The following NSRP1 variants were observed in gnomAD, a reference collection of about 807,000 sequenced individuals.
The protein encoded by NSRP1 is nuclear speckle splicing regulatory protein 1.
A neutral mutation model predicts 54.7 loss-of-function variants in NSRP1; 24 were observed. That is an observed-to-expected ratio of 0.44 (90% CI 0.32 to 0.62). NSRP1 has a LOEUF of 0.62. Among genes scored for constraint, NSRP1 ranks in the 20% least tolerant of loss-of-function variants. The pLI is 0.06. For synonymous variants in NSRP1, 210 were observed against 213.8 expected (o/e 0.98, Z 0.15); for missense variants, 596 against 651.2 (o/e 0.92, Z 0.92).
intron 2 of NSRP1, among the ~76,000 whole-genome samples, chr17:30,136,623 T>A (rs906887737): frequency 4.6e-5 from 7 of 152,222 alleles, no homozygotes; most frequent in Non-Finnish European, 1.0e-4. Flanking sequence ...AGCATTTTTT[T>A]AATAAGTCAT....
intron 2 of NSRP1, among the ~76,000 whole-genome samples, chr17:30,157,362 G>A (rs1275939027): frequency 6.6e-6 from 1 of 152,116 alleles, no homozygotes; most frequent in Non-Finnish European, 1.5e-5. Flanking sequence ...GTACATGTGA[G>A]TGTTTGTTAC....
intron 1 of NSRP1, chr17:30,117,100 G>A (rs766187585): frequency 5.3e-6 from 4 of 758,564 alleles, no homozygotes; most frequent in Non-Finnish European, 9.8e-6. Flanking sequence ...TAGGCTGAGG[G>A]GCAGAGAGCG....
At chr17:30,165,771 C>A (rs1375312550) in intron 2 of NSRP1, among the ~76,000 whole-genome samples, 1 of 152,168 alleles carries the variant, frequency 6.6e-6, no homozygotes, top group Non-Finnish European at 1.5e-5. Flanking sequence ...CCTCCATTTT[C>A]CTGTTTATGG....
At chr17:30,134,142 G>A (rs2071727445) in intron 2 of NSRP1, among the ~76,000 whole-genome samples, 1 of 152,202 alleles carries the variant, frequency 6.6e-6, no homozygotes, top group Non-Finnish European at 1.5e-5. Context: ...AGGAGAGGGA[G>A]AGAGGAGAGA....
At chr17:30,152,518 A>AT (rs1190832146) in intron 2 of NSRP1, among the ~76,000 whole-genome samples, 4 of 137,954 alleles carry the variant, frequency 2.9e-5, no homozygotes, top group Admixed American at 7.5e-5. Context: ...ATTTACTTGT[A>AT]TTTTTTCTTC....
chr17:30,125,305 T>C (rs2071640093), intron 2 of NSRP1, among the ~76,000 whole-genome samples: 1 of 152,252 alleles, frequency 6.6e-6, no homozygotes, highest in Admixed American at 6.5e-5. Context: ...GTGGAAAATA[T>C]AGAAGAAAGA....
intron 2 of NSRP1, among the ~76,000 whole-genome samples, chr17:30,152,423 A>ATT (rs200742872): frequency 0.39 from 51,430 of 131,856 alleles, 11,590 homozygotes; most frequent in East Asian, 0.8. Flanking sequence ...CAGCCTAAGA[A>ATT]TTTTTTTTTT....
At chr17:30,177,326 C>G (rs1255385569) in intron 3 of NSRP1, among the ~76,000 whole-genome samples, 6 of 151,448 alleles carry the variant, frequency 4.0e-5, no homozygotes, top group Admixed American at 6.6e-5. Context: ...GAGCCAAGAT[C>G]ACACCACTGG....
chr17:30,168,496 A>G (rs1032039337), intron 2 of NSRP1, among the ~76,000 whole-genome samples: 1 of 151,296 alleles, frequency 6.6e-6, no homozygotes, highest in East Asian at 1.9e-4. Context: ...TTTGTTCTCA[A>G]TCTTAAAATT....
chr17:30,158,242 C>G (rs1413928965), intron 2 of NSRP1, among the ~76,000 whole-genome samples: 3 of 150,050 alleles, frequency 2.0e-5, no homozygotes, highest in East Asian at 3.9e-4. Context: ...TTTCATATAC[C>G]TGTTGGCCAT....
At chr17:30,132,727 TC>T (rs2071712796) in intron 2 of NSRP1, among the ~76,000 whole-genome samples, 1 of 152,214 alleles carries the variant, frequency 6.6e-6, no homozygotes, top group Non-Finnish European at 1.5e-5. Flanking sequence ...TGTAGCCACT[TC>T]ATCTACTGAA....
intron 2 of NSRP1, chr17:30,150,196 T>G (rs2071893213): frequency 6.6e-6 from 1 of 151,810 alleles, no homozygotes; most frequent in African/African-American, 2.4e-5. Context: ...TTCTCCTGTC[T>G]CAGCCTCCTG....
At chr17:30,152,588 A>G (rs2143004275) in intron 2 of NSRP1, among the ~76,000 whole-genome samples, 1 of 151,970 alleles carries the variant, frequency 6.6e-6, no homozygotes, top group South Asian at 2.1e-4. Context: ...TATTTTTTGC[A>G]AAGGGGGTAA....
chr17:30,174,374 C>G (rs771893289), intron 3 of NSRP1, among the ~76,000 whole-genome samples: 1 of 152,202 alleles, frequency 6.6e-6, no homozygotes, highest in Non-Finnish European at 1.5e-5. Flanking sequence ...ATTGATTCAG[C>G]TCATCGAATG....
At chr17:30,128,473 G>A (rs921983300) in intron 2 of NSRP1, among the ~76,000 whole-genome samples, 20 of 151,990 alleles carry the variant, frequency 1.3e-4, no homozygotes, top group Admixed American at 1.2e-3. Context: ...AATTGCACTC[G>A]AATTTTTGTT....
chr17:30,141,617 C>G (rs530036028), intron 2 of NSRP1, among the ~76,000 whole-genome samples: 77 of 152,134 alleles, frequency 5.1e-4, no homozygotes, highest in Non-Finnish European at 9.9e-4. Context: ...TACTATATAC[C>G]TTTACATACA....
chr17:30,158,862 G>C (rs183731754), intron 2 of NSRP1, among the ~76,000 whole-genome samples: 64 of 152,154 alleles, frequency 4.2e-4, no homozygotes, highest in African/African-American at 1.5e-3. Flanking sequence ...GTTTGGTTAT[G>C]ATAGCCTTGT....
At position 30,170,390 on chromosome 17, in the gene NSRP1, C is replaced by T. The variant is rs117341577; in HGVS notation, c.115-2152C>T. On this transcript the variant is annotated intron_variant, in intron 2 of 6. Coordinates refer to ENST00000247026, the MANE Select transcript of NSRP1 (RefSeq NM_032141.4). ...ATAGTACAATTTTATTACCTATTGTCCTCATGTGGTACATTAGATCTCTAG... is the reference window on the plus strand; with the variant it reads ...ATAGTACAATTTTATTACCTATTGTTCTCATGTGGTACATTAGATCTCTAG... Among the ~76,000 whole-genome samples the T allele has an allele frequency of 6.4e-3, 971 of 152,228 alleles. 8 individuals carry two copies. Among genetic ancestry groups the T allele is most frequent in the South Asian group, 0.028 (137 of 4,820 alleles).
chr17:30,140,216 A>T (rs927559392), intron 2 of NSRP1, among the ~76,000 whole-genome samples: 1 of 152,200 alleles, frequency 6.6e-6, no homozygotes, highest in African/African-American at 2.4e-5. Context: ...GTTATTTTTC[A>T]CAAGTTTTGT....
Sources: allele counts gnomAD v4.1 joint callset (sites outside exome capture counted in the v4.1 genomes callset), GRCh38; gene constraint gnomAD v4.1.1; transcripts MANE v1.5; gene names NCBI Gene and HGNC (gene_info 2026-07-23, HGNC 2026-07-21).